FIP1L1: variants seen among roughly 807,000 people sequenced by gnomAD.
FIP1L1 encodes the protein factor interacting with PAPOLA and CPSF1.
In FIP1L1, 21 loss-of-function variants were observed where a neutral mutation model predicts 84.6. That is an observed-to-expected ratio of 0.25 (90% confidence interval 0.18 to 0.36). The LOEUF is 0.36. FIP1L1 is among the 10% of genes least tolerant of loss of function. FIP1L1 has a pLI of 1.00. For missense variants in FIP1L1, 526 were observed against 751.1 expected, an observed-to-expected ratio of 0.70 and a Z score of 3.50; for synonymous variants, 263 against 242.3, an observed-to-expected ratio of 1.09 and a Z score of -0.80.
chr4:53,458,223 T>C (rs1374087922), intron 16 of FIP1L1, among the ~76,000 whole-genome samples: 1 of 152,184 alleles, frequency 6.6e-6, no homozygotes, highest in Non-Finnish European at 1.5e-5. Context: ...ATGTTAAACG[T>C]ATGTCCAAGA....
intron 6 of FIP1L1, 94 bp from the exon 7 acceptor site, chr4:53,390,427 A>C: frequency 1.4e-6 from 1 of 720,868 alleles, no homozygotes; most frequent in Non-Finnish European, 2.4e-6. Context: ...ATGTGCCAGG[A>C]ATAGTAAAAA....
rs142612170 is a variant in FIP1L1 at position 53,418,051 on chromosome 4, A to G, written c.923+3329A>G. 7.5e-3 allele frequency among the ~76,000 whole-genome samples: 1,149 copies of G among 152,188 alleles called. 20 individuals are homozygous for G. The highest frequency in any genetic ancestry group is 0.043 in the Admixed American group (661 of 15,282). The stretch of plus-strand genomic sequence containing the variant: ...TGCCTGTAATCCTGGCACTTTGGGA[A>G]GCTGAGGTGGGTGGATCACTTGAGC... On this transcript the variant is annotated intron_variant, in intron 11 of 17. Coordinates refer to ENST00000337488, the MANE Select transcript of FIP1L1 (RefSeq NM_030917.4).
chr4:53,407,285 A>T, intron 10 of FIP1L1, among the ~76,000 whole-genome samples: 1 of 152,088 alleles, frequency 6.6e-6, no homozygotes, highest in Non-Finnish European at 1.5e-5. Flanking sequence ...GTCATTCAGG[A>T]GCAGGTTGTT....
intron 5 of FIP1L1, among the ~76,000 whole-genome samples, chr4:53,388,603 G>A (rs775188367): frequency 6.6e-5 from 10 of 152,178 alleles, no homozygotes; most frequent in Non-Finnish European, 7.3e-5. Context: ...CCAAAGTGCT[G>A]GGATTACAGG....
intron 10 of FIP1L1, among the ~76,000 whole-genome samples, chr4:53,413,419 TTTA>T: frequency 6.6e-6 from 1 of 152,156 alleles, no homozygotes; most frequent in Non-Finnish European, 1.5e-5. Flanking sequence ...ATGTGTGTTT[TTTA>T]AAATACATTT....
rs1721752758 is a variant in FIP1L1, at chr4:53,460,444, A to AAAAG, written c.*997_*1000dup. The AAAAG allele has an allele frequency of 5.2e-6, 1 of 191,730 alleles. No homozygotes were observed. The highest frequency in any genetic ancestry group is 6.1e-5 in the Admixed American group (1 of 16,272). The allele number at this position is 191,730 out of a possible 1,614,324, so 11.9% of individuals were successfully genotyped here. On this transcript the variant is annotated 3_prime_UTR_variant, in exon 18 of 18. Coordinates refer to ENST00000337488, the MANE Select transcript of FIP1L1 (RefSeq NM_030917.4). ...GTAATCTTAATTAGTATCACATACT[A>AAAAG]AAAGACAACTATAACTTCTGAAAAA...
chr4:53,433,890 A>G (rs1413502724), intron 13 of FIP1L1, among the ~76,000 whole-genome samples: 3 of 152,110 alleles, frequency 2.0e-5, no homozygotes, highest in Non-Finnish European at 4.4e-5. Context: ...ATGAACTTTA[A>G]AATCTTATTT....
In FIP1L1 at chr4:53,460,624, A is replaced by AAATCAATC. The variant is rs35852395; in HGVS notation, c.*1180_*1181insATCAATCA. 6.2e-5 allele frequency: 20 copies of AAATCAATC among 322,720 alleles called. No homozygotes were observed. The Admixed American group carries it at 1.0e-3, about 17-fold the overall frequency. 20.0% of individuals were successfully genotyped at this position (322,720 alleles called of 1,614,324 possible). On this transcript the variant is annotated 3_prime_UTR_variant, in exon 18 of 18. Coordinates refer to ENST00000337488, the MANE Select transcript of FIP1L1 (RefSeq NM_030917.4). ...TCAGCTTGAATTCAGTGGGGTATAC[A>AAATCAATC]AATCATTTTAGTTGTTTTAGGGCTT...
At chr4:53,457,283 T>A (rs1383053418) in intron 16 of FIP1L1, among the ~76,000 whole-genome samples, 2 of 152,124 alleles carry the variant, frequency 1.3e-5, no homozygotes, top group African/African-American at 4.8e-5. Flanking sequence ...TGTACTCCAC[T>A]TGTACTCTTT....
At chr4:53,442,991 A>G (rs1224381785) in intron 14 of FIP1L1, among the ~76,000 whole-genome samples, 1 of 152,106 alleles carries the variant, frequency 6.6e-6, no homozygotes, top group Non-Finnish European at 1.5e-5. Context: ...AAACCCAGCA[A>G]GTCAGTTTTA....
chr4:53,435,105 G>C (rs949469082), intron 13 of FIP1L1, among the ~76,000 whole-genome samples: 1 of 152,102 alleles, frequency 6.6e-6, no homozygotes, highest in Non-Finnish European at 1.5e-5. Flanking sequence ...TTTGAAAACT[G>C]TATTTATTCT....
chr4:53,408,425 A>C (rs1454401898), intron 10 of FIP1L1, among the ~76,000 whole-genome samples: 1 of 152,118 alleles, frequency 6.6e-6, no homozygotes, highest in Admixed American at 6.5e-5. Flanking sequence ...GCTGCCCTGA[A>C]CATTTTTTCC....
chr4:53,431,276 C>T, intron 13 of FIP1L1, among the ~76,000 whole-genome samples: 1 of 152,158 alleles, frequency 6.6e-6, no homozygotes, highest in East Asian at 1.9e-4. Flanking sequence ...CACAGAACCA[C>T]ATGATTACAC....
At chr4:53,433,602 C>T (rs926816566) in intron 13 of FIP1L1, among the ~76,000 whole-genome samples, 1 of 151,940 alleles carries the variant, frequency 6.6e-6, no homozygotes, top group African/African-American at 2.4e-5. Flanking sequence ...TCTTATCAGC[C>T]TCAAATGACT....
chr4:53,419,566 G>A (rs1269548986), intron 11 of FIP1L1, among the ~76,000 whole-genome samples: 2 of 151,888 alleles, frequency 1.3e-5, no homozygotes, highest in Admixed American at 6.6e-5. Flanking sequence ...TCAGCCTCCC[G>A]AGTAGCTGGG....
intron 5 of FIP1L1, among the ~76,000 whole-genome samples, chr4:53,389,172 CAATA>C (rs1255851017): frequency 3.3e-5 from 5 of 152,072 alleles, no homozygotes; most frequent in African/African-American, 4.8e-5. Flanking sequence ...AATTTCTTGT[CAATA>C]AATTTCTGTT....
chr4:53,407,591 T>C (rs1754386093), intron 10 of FIP1L1, among the ~76,000 whole-genome samples: 1 of 150,696 alleles, frequency 6.6e-6, no homozygotes, highest in Admixed American at 6.6e-5. Context: ...CGTTGGTCTG[T>C]CTAATGTTGA....
At chr4:53,389,083 TTC>T (rs1199422648) in intron 5 of FIP1L1, among the ~76,000 whole-genome samples, 1 of 152,248 alleles carries the variant, frequency 6.6e-6, no homozygotes, top group Non-Finnish European at 1.5e-5. Flanking sequence ...TCCTAGAAGT[TTC>T]TCTCATTTTG....
intron 10 of FIP1L1, among the ~76,000 whole-genome samples, chr4:53,409,689 C>T (rs1474097877): frequency 3.9e-5 from 6 of 152,214 alleles, no homozygotes. Context: ...GAAGCCTGGG[C>T]AATGGCGGGC....
Sources: gnomAD v4.1 joint callset for allele counts (sites outside exome capture counted in the v4.1 genomes callset) on GRCh38, gnomAD v4.1.1 for gene constraint, MANE v1.5 for transcripts, NCBI Gene and HGNC (gene_info 2026-07-23, HGNC 2026-07-21) for gene names.